The following NBDY variants were observed in gnomAD, a reference collection of about 807,000 sequenced individuals.
NBDY encodes P-body dissociating protein.
intron 2 of NBDY, among the ~76,000 whole-genome samples, chrX:56,756,152 G>A (rs2069609793): frequency 1.3e-5 from 1 of 75,304 alleles, no homozygotes; most frequent in Admixed American, 1.7e-4. Context: ...GAGGTGGGGG[G>A]AGGGGGGAGG....
rs1257014920 is a variant in NBDY, at chrX:56,756,136, T to C, written c.*166+23937T>C. ...AAGGGGAACATCACACTCTGGGGAC[T>C]GTTGTGAGGTGGGGGGAGGGGGGAG... On this transcript the variant is annotated intron_variant, in intron 2 of 2. Transcript: ENST00000374922. 1.1e-4 allele frequency among the ~76,000 whole-genome samples: 7 copies of C among 62,518 alleles called. No homozygotes were observed. In the Admixed American group the frequency reaches 1.8e-3, roughly 16 times the overall value. The allele number at this position is 62,518 out of a possible 115,157, so 54.3% of individuals were successfully genotyped here. A position where few individuals can be genotyped will look rare whatever the true frequency, so the allele number is the denominator to read the frequency against.
intron 2 of NBDY, among the ~76,000 whole-genome samples, chrX:56,740,177 T>C: frequency 8.9e-6 from 1 of 111,866 alleles, no homozygotes; most frequent in East Asian, 2.8e-4. Flanking sequence ...TTTTTTTACT[T>C]CCTTACTTTC....
At chrX:56,781,060 T>C (rs2069684629) in intron 2 of NBDY, among the ~76,000 whole-genome samples, 1 of 111,419 alleles carries the variant, frequency 9.0e-6, no homozygotes, top group Non-Finnish European at 1.9e-5. Flanking sequence ...CCTTGGGACA[T>C]CGGGTGAAGT....
At chrX:56,759,611 C>T (rs2069628132) in intron 2 of NBDY, among the ~76,000 whole-genome samples, 1 of 111,058 alleles carries the variant, frequency 9.0e-6, no homozygotes, top group African/African-American at 3.3e-5. Flanking sequence ...TGCCATCAAG[C>T]AGAAACAGTT....
chrX:56,780,808 T>C lies in NBDY; in HGVS notation c.*167-36512T>C, dbSNP rs1418576577. Among the ~76,000 whole-genome samples, 98 of 72,451 alleles carry C rather than the reference T, an allele frequency of 1.4e-3. 1 individual carries two copies. The highest frequency in any genetic ancestry group is 2.3e-3 in the Non-Finnish European group (83 of 35,987). The allele number at this position is 72,451 out of a possible 115,157, so 62.9% of individuals were successfully genotyped here. ...TTTTTTTTTTTTTTTTTTTTTTTTT[T>C]CCTCATATGTAGGTAGCATGCACCA... On this transcript the variant is annotated intron_variant, in intron 2 of 2. Coordinates refer to ENST00000374922, the MANE Select transcript of NBDY (RefSeq NM_001348129.2).
At chrX:56,760,781 A>G (rs1262941826) in intron 2 of NBDY, among the ~76,000 whole-genome samples, 2 of 112,205 alleles carry the variant, frequency 1.8e-5, no homozygotes, top group East Asian at 5.6e-4. Context: ...CCTCACCTAC[A>G]TGGTCACTTT....
Position 56,785,509 on chromosome X carries a change from C to T in NBDY, c.*167-31811C>T, listed in dbSNP as rs767584298. Among the ~76,000 whole-genome samples the T allele has an allele frequency of 2.2e-4, 25 of 111,311 alleles. 1 individual carries two copies. Among genetic ancestry groups the T allele is most frequent in the African/African-American group, 6.9e-4 (21 of 30,533 alleles). Reference sequence around the variant, plus strand: ...TCCGGGTACAGTCGTCTAGGCAATTCTCAGGGGGCAGTTTTTCAGCTTTCC... The same window carrying T: ...TCCGGGTACAGTCGTCTAGGCAATTTTCAGGGGGCAGTTTTTCAGCTTTCC... On this transcript the variant is annotated intron_variant, in intron 2 of 2. Coordinates refer to ENST00000374922, the MANE Select transcript of NBDY (RefSeq NM_001348129.2).
At chrX:56,738,351 A>T (rs891498391) in intron 2 of NBDY, among the ~76,000 whole-genome samples, 3 of 111,773 alleles carry the variant, frequency 2.7e-5, no homozygotes, top group African/African-American at 9.8e-5. Flanking sequence ...ATGTATTGGG[A>T]TTTTTTCTCA....
intron 2 of NBDY, among the ~76,000 whole-genome samples, chrX:56,767,360 C>A (rs1365690936): frequency 8.8e-6 from 1 of 113,195 alleles, no homozygotes. Flanking sequence ...TCGCTCTCGG[C>A]GCCCCCTCGG....
At chrX:56,781,235 A>T (rs2069687016) in intron 2 of NBDY, among the ~76,000 whole-genome samples, 1 of 111,758 alleles carries the variant, frequency 8.9e-6, no homozygotes, top group Non-Finnish European at 1.9e-5. Flanking sequence ...TTCTGCCTAG[A>T]CACCTTCATT....
intron 2 of NBDY, among the ~76,000 whole-genome samples, chrX:56,756,730 C>CA (rs1481238201): frequency 9.0e-6 from 1 of 111,614 alleles, no homozygotes; most frequent in Non-Finnish European, 1.9e-5. Flanking sequence ...TTTGGGAGGG[C>CA]AAGCTGGGCG....
chrX:56,781,002 C>T (rs770615730), intron 2 of NBDY, among the ~76,000 whole-genome samples: 39 of 110,398 alleles, frequency 3.5e-4, no homozygotes, highest in African/African-American at 1.0e-3. Context: ...AATGTGTGTC[C>T]TTTTCTCATA....
intron 2 of NBDY, among the ~76,000 whole-genome samples, chrX:56,750,325 C>G (rs2146718128): frequency 9.0e-6 from 1 of 111,409 alleles, no homozygotes; most frequent in South Asian, 3.8e-4. Flanking sequence ...TCTAGTTCTC[C>G]TTTTACATAT....
At chrX:56,733,690 C>G (rs2069471357) in intron 2 of NBDY, among the ~76,000 whole-genome samples, 4 of 111,893 alleles carry the variant, frequency 3.6e-5, no homozygotes, top group African/African-American at 1.3e-4. Context: ...AATTAAGGGA[C>G]TTTCCTTGTT....
intron 2 of NBDY, among the ~76,000 whole-genome samples, chrX:56,803,293 GCAGGAGTCGTCCCGCCCACAGCACCCCA>G (rs1179437870): frequency 1.8e-5 from 2 of 111,882 alleles, no homozygotes; most frequent in Non-Finnish European, 3.8e-5. Context: ...GAATTGCCGG[GCAGGAGTCGTCCCGCCCACAGCACCCCA>G]CAGCTCCTTG....
intron 2 of NBDY, among the ~76,000 whole-genome samples, chrX:56,809,689 G>A (rs2069875098): frequency 8.9e-6 from 1 of 111,843 alleles, no homozygotes; most frequent in African/African-American, 3.3e-5. Flanking sequence ...GCACACCAAT[G>A]GGTCCTAACT....
At chrX:56,730,968 A>G (rs2069454715) in intron 1 of NBDY, among the ~76,000 whole-genome samples, 1 of 111,164 alleles carries the variant, frequency 9.0e-6, no homozygotes, top group South Asian at 3.7e-4. Flanking sequence ...ATGGGTAGGA[A>G]TTATTCTGAG....
intron 2 of NBDY, among the ~76,000 whole-genome samples, chrX:56,798,180 C>T (rs1226654455): frequency 2.7e-5 from 3 of 112,340 alleles, no homozygotes; most frequent in East Asian, 2.8e-4. Flanking sequence ...TTGGCTTTCT[C>T]CCAAAAATGA....
At chrX:56,804,880 C>A (rs1367175711) in intron 2 of NBDY, among the ~76,000 whole-genome samples, 1 of 112,289 alleles carries the variant, frequency 8.9e-6, no homozygotes, top group Non-Finnish European at 1.9e-5. Context: ...CTTACCCATG[C>A]CTCTCAGTGA....
Sources: gnomAD v4.1 joint callset for allele counts (sites outside exome capture counted in the v4.1 genomes callset) on GRCh38, gnomAD v4.1.1 for gene constraint, MANE v1.5 for transcripts, NCBI Gene and HGNC (gene_info 2026-07-23, HGNC 2026-07-21) for gene names.